MGST2: variants seen among roughly 807,000 people sequenced by gnomAD.
The protein encoded by MGST2 is glutathione peroxidase MGST2.
A neutral mutation model predicts 16.6 loss-of-function variants in MGST2; 9 were observed. The ratio of observed to expected loss-of-function variants is 0.54; its 90% CI spans 0.33 to 0.95. MGST2 has a LOEUF of 0.95. MGST2 is among the 40% of genes least tolerant of loss of function. The probability of loss-of-function intolerance (pLI) is 0.03; values close to 1 mark genes in which losing one functional copy is unlikely to be tolerated. For missense variants in MGST2, 159 were observed against 175.1 expected (o/e 0.91, Z 0.52); for synonymous variants, 79 against 68.0 (o/e 1.16, Z -0.79).
At position 139,665,902 on chromosome 4, in the gene MGST2, C is replaced by T; in HGVS notation, c.-118C>T. 1.0e-6 allele frequency: 1 copy of T among 985,098 alleles called. No homozygotes were observed. The highest frequency in any genetic ancestry group is 1.6e-6 in the Non-Finnish European group (1 of 625,720). The allele number at this position is 985,098 out of a possible 1,614,324, so 61.0% of individuals were successfully genotyped here. A position where few individuals can be genotyped will look rare whatever the true frequency, so the allele number is the denominator to read the frequency against. ...GCAAAGGTCATTCAGCCGCTTGAAT[C>T]AGCCTTTTCCCCCCACCCGGTCCCC... On this transcript the variant is annotated 5_prime_UTR_variant, in exon 1 of 5. Coordinates refer to ENST00000265498, the MANE Select transcript of MGST2 (RefSeq NM_002413.5).
intron 1 of MGST2, among the ~76,000 whole-genome samples, chr4:139,669,138 C>T (rs1379757232): frequency 1.3e-5 from 2 of 152,132 alleles, no homozygotes; most frequent in African/African-American, 2.4e-5. Context: ...CACCTTTTCC[C>T]CATCATGGCC....
intron 1 of MGST2, 28 bp downstream of exon 1, chr4:139,666,105 T>C (rs1330466658): frequency 1.9e-6 from 3 of 1,580,664 alleles, no homozygotes; most frequent in South Asian, 1.1e-5. Flanking sequence ...TTCGTGTGTG[T>C]GCGCGTGTGT....
chr4:139,744,462 G>A (rs1729261116), downstream of MGST2, among the ~76,000 whole-genome samples: 1 of 152,196 alleles, frequency 6.6e-6, no homozygotes, highest in Admixed American at 6.5e-5. Flanking sequence ...TTTATGTGGA[G>A]TAAGTCACTG....
chr4:139,733,082 T>G (rs1728790093), intron 5 of MGST2, among the ~76,000 whole-genome samples: 1 of 152,214 alleles, frequency 6.6e-6, no homozygotes, highest in African/African-American at 2.4e-5. Context: ...TTCCAAGCCC[T>G]TCCTTCCAGT....
In MGST2 at chr4:139,713,473, C is replaced by CAAAAAAAAAAAAAAA. The variant is rs1217817783; in HGVS notation, c.*48+9278_*48+9279insAAAAAAAAAAAAAAA. Among the ~76,000 whole-genome samples, 3 of 4,120 alleles carry CAAAAAAAAAAAAAAA rather than the reference C, an allele frequency of 7.3e-4. 1 individual carries two copies. Among genetic ancestry groups the CAAAAAAAAAAAAAAA allele is most frequent in the African/African-American group, 1.3e-3 (2 of 1,580 alleles). 2.7% of individuals were successfully genotyped at this position (4,120 alleles called of 152,430 possible). ...CGTGTGTTCATTAAGAGTGGCAAGA[C>CAAAAAAAAAAAAAAA]AGAAAAAAAAAAAAAAAAAAAAAAG... On this transcript the variant is annotated intron_variant, in intron 5 of 5. Coordinates refer to the MGST2 transcript ENST00000616265.
intron 2 of MGST2, among the ~76,000 whole-genome samples, chr4:139,692,399 G>T (rs1560748495): frequency 6.6e-6 from 1 of 152,226 alleles, no homozygotes; most frequent in Non-Finnish European, 1.5e-5. Flanking sequence ...CACAGCTCCT[G>T]CTGGCAAGCA....
chr4:139,749,894 C>T, the MGST2 span, among the ~76,000 whole-genome samples: 2 of 107,890 alleles, frequency 1.9e-5, no homozygotes, highest in African/African-American at 8.7e-5. Context: ...AACCCCCCCC[C>T]ACCCTATTCT....
In MGST2 at chr4:139,715,089, A is replaced by C. The variant is rs978630843; in HGVS notation, c.*48+10893A>C. Among the ~76,000 whole-genome samples the C allele has an allele frequency of 2.1e-4, 32 of 152,140 alleles. No homozygotes were observed. The highest frequency in any genetic ancestry group is 3.4e-4 in the Non-Finnish European group (23 of 68,026). ...TCTTAGAAGGGACTCTAACTCTCCT[A>C]AGTCGGGCCTCTAACCAGAGGTCGG... is the stretch of plus-strand genomic sequence containing the variant. On this transcript the variant is annotated intron_variant, in intron 5 of 5. Transcript: ENST00000616265. This position sits in a 1 kb window ranked among gnomAD's most constrained non-coding sequence, Gnocchi z 4.4.
intron 5 of MGST2, chr4:139,730,834 C>A: frequency 1.6e-6 from 1 of 635,564 alleles, no homozygotes; most frequent in Non-Finnish European, 2.7e-6. Context: ...TCAAACCCGA[C>A]CTTACCTGAG....
chr4:139,707,981 A>G (rs1300144642), downstream of MGST2, among the ~76,000 whole-genome samples: 3 of 151,942 alleles, frequency 2.0e-5, no homozygotes, highest in Non-Finnish European at 4.4e-5. Flanking sequence ...AGTAGGTTGC[A>G]AAAATTTTCT....
chr4:139,742,950 A>G (rs1386273766), downstream of MGST2, among the ~76,000 whole-genome samples: 1 of 152,192 alleles, frequency 6.6e-6, no homozygotes, highest in Non-Finnish European at 1.5e-5. Flanking sequence ...ATGTAGCACC[A>G]GTTTCCTAAT....
chr4:139,723,872 G>A (rs1728359913), intron 5 of MGST2, among the ~76,000 whole-genome samples: 1 of 152,142 alleles, frequency 6.6e-6, no homozygotes, highest in South Asian at 2.1e-4. Flanking sequence ...TGTAAAAAAT[G>A]CAGATTCTCA....
At chr4:139,667,151 ACT>A in intron 1 of MGST2, among the ~76,000 whole-genome samples, 1 of 152,212 alleles carries the variant, frequency 6.6e-6, no homozygotes, top group African/African-American at 2.4e-5. Flanking sequence ...GTTCAGAGAG[ACT>A]CTGGGGCTGC....
chr4:139,704,367 GA>G (rs1374701420), downstream of MGST2: 1 of 567,388 alleles, frequency 1.8e-6, no homozygotes, highest in African/African-American at 1.9e-5. Flanking sequence ...CCTAGTTTTA[GA>G]AATGCATGCT....
At chr4:139,694,183 C>CTTTT (rs566625479) in intron 2 of MGST2, among the ~76,000 whole-genome samples, 2 of 139,826 alleles carry the variant, frequency 1.4e-5, no homozygotes, top group Non-Finnish European at 1.6e-5. Context: ...TGTAATTATG[C>CTTTT]TTTTTTTTTT....
At chr4:139,700,247 T>A (rs1024956734) in intron 3 of MGST2, among the ~76,000 whole-genome samples, 12 of 145,846 alleles carry the variant, frequency 8.2e-5, no homozygotes, top group African/African-American at 3.0e-4. Context: ...TTCTCCTGCC[T>A]CAGCCTCCGG....
chr4:139,742,428 C>T (rs1051069735), downstream of MGST2, among the ~76,000 whole-genome samples: 42 of 152,284 alleles, frequency 2.8e-4, no homozygotes, highest in African/African-American at 9.9e-4. Context: ...GGACTACAGG[C>T]GAGAGCCACC....
chr4:139,696,152 G>A (rs1419598009), intron 3 of MGST2, among the ~76,000 whole-genome samples: 1 of 152,174 alleles, frequency 6.6e-6, no homozygotes, highest in African/African-American at 2.4e-5. Flanking sequence ...TTCACGTTGA[G>A]TAAGCTGAGG....
chr4:139,700,904 TAAAC>T (rs566885946), intron 3 of MGST2, among the ~76,000 whole-genome samples: 87 of 152,352 alleles, frequency 5.7e-4, no homozygotes, highest in African/African-American at 1.9e-3. Flanking sequence ...AAGATTTAAA[TAAAC>T]CAAAATCCAG....
Sources: allele counts gnomAD v4.1 joint callset (sites outside exome capture counted in the v4.1 genomes callset), GRCh38; gene constraint gnomAD v4.1.1; non-coding constraint Gnocchi (gnomAD v3.1); transcripts MANE v1.5; gene names NCBI Gene and HGNC (gene_info 2026-07-23, HGNC 2026-07-21).